Variants in PDE11A observed in about 807,000 individuals in gnomAD.
PDE11A encodes dual 3',5'-cyclic-AMP and -GMP phosphodiesterase 11A.
PDE11A carries 100 observed loss-of-function variants against 100.5 expected under a neutral mutation model. The observed-to-expected ratio is 1.00, with a 90% CI of 0.85 to 1.18. The LOEUF (loss-of-function observed/expected upper bound fraction) is 1.18. Ranked by LOEUF, PDE11A falls within the 50% of genes most tolerant of loss-of-function variation. The pLI, the probability that PDE11A is intolerant of heterozygous loss-of-function variation, is 0.00. For synonymous variants in PDE11A, 381 were observed against 420.8 expected (o/e 0.91, Z 1.16); for missense variants, 1,141 against 1,152.6 (o/e 0.99, Z 0.15).
At chr2:177,961,686 AT>A (rs2085635427) in intron 2 of PDE11A, among the ~76,000 whole-genome samples, 1 of 152,032 alleles carries the variant, frequency 6.6e-6, no homozygotes, top group Non-Finnish European at 1.5e-5. Flanking sequence ...CTTACATTTA[AT>A]TTTATAGGAA....
chr2:178,060,374 C>T (rs890404379), intron 1 of PDE11A, among the ~76,000 whole-genome samples: 3 of 152,196 alleles, frequency 2.0e-5, no homozygotes, highest in African/African-American at 7.2e-5. Flanking sequence ...CATAAGCCCA[C>T]ACTCAGAGAT....
In PDE11A at chr2:177,769,380, CAGA is replaced by C; in HGVS notation, c.1738-10_1738-8del. Reference sequence around the variant, plus strand: ...TTGCATGGTATGATAGCACCTGATTCAGAAGAAAAAAAAATAATTTTAATAACT... The same window carrying C: ...TTGCATGGTATGATAGCACCTGATTCAGAAAAAAAAATAATTTTAATAACT... On this transcript the variant is annotated splice_polypyrimidine_tract_variant and splice_region_variant and intron_variant, in intron 9 of 19. Coordinates refer to ENST00000286063, the MANE Select transcript of PDE11A (RefSeq NM_016953.4). 6.5e-7 allele frequency: 1 copy of C among 1,541,798 alleles called. No homozygotes were observed. The highest frequency in any genetic ancestry group is 9.0e-7 in the Non-Finnish European group (1 of 1,115,440).
chr2:177,705,323 T>C (rs997730545), intron 13 of PDE11A, among the ~76,000 whole-genome samples: 2 of 152,218 alleles, frequency 1.3e-5, no homozygotes, highest in Non-Finnish European at 2.9e-5. Context: ...ATCCATCATA[T>C]AAGTGTCTTT....
At chr2:177,844,208 T>C (rs2083541386) in intron 5 of PDE11A, among the ~76,000 whole-genome samples, 1 of 152,180 alleles carries the variant, frequency 6.6e-6, no homozygotes, top group African/African-American at 2.4e-5. Context: ...GTTTTGAGAC[T>C]AGGAAGACCA....
chr2:177,926,928 T>G lies in PDE11A; in HGVS notation c.1072-21741A>C, dbSNP rs1456452173. 7 of 152,332 alleles carry G rather than the reference T, an allele frequency of 4.6e-5. No homozygotes were observed. The East Asian group carries it at 1.4e-3, about 29-fold the overall frequency. The allele number at this position is 152,332 out of a possible 1,614,324, so 9.4% of individuals were successfully genotyped here. A position where few individuals can be genotyped will look rare whatever the true frequency, so the allele number is the denominator to read the frequency against. Reference sequence around the variant, plus strand: ...CATGAGAAAAATCTCTTCACTGGTCTTTCTGCCTCCAGTGTCTCCCTGCTG... The same window carrying G: ...CATGAGAAAAATCTCTTCACTGGTCGTTCTGCCTCCAGTGTCTCCCTGCTG... On this transcript the variant is annotated intron_variant, in intron 2 of 19. Coordinates refer to ENST00000286063, the MANE Select transcript of PDE11A (RefSeq NM_016953.4).
rs1559117282 is a variant in PDE11A at position 177,631,534 on chromosome 2, TATATATATATATAC to T, written c.2647-1986_2647-1973del. On this transcript the variant is annotated intron_variant, in intron 19 of 19. Transcript: ENST00000286063. ...AAAAATATATATATATATATATATA[TATATATATATATAC>T]ACATGTATATATATATATATACATG... 4.2e-3 allele frequency among the ~76,000 whole-genome samples: 96 copies of T among 22,634 alleles called. 1 individual carries two copies. The highest frequency in any genetic ancestry group is 0.012 in the African/African-American group (89 of 7,142). The allele number at this position is 22,634 out of a possible 152,430, so 14.8% of individuals were successfully genotyped here.
chr2:177,959,446 T>G (rs912215625), intron 2 of PDE11A, among the ~76,000 whole-genome samples: 3 of 152,148 alleles, frequency 2.0e-5, no homozygotes, highest in Admixed American at 1.3e-4. Flanking sequence ...TACATAGTCA[T>G]GGAGCACTAG....
At chr2:177,926,789 T>G (rs1289731859) in intron 2 of PDE11A, 2 of 152,190 alleles carry the variant, frequency 1.3e-5, no homozygotes, top group African/African-American at 4.8e-5. Context: ...TATTCAGATA[T>G]TTTGGGGCCT....
intron 5 of PDE11A, among the ~76,000 whole-genome samples, chr2:177,852,413 A>T (rs76384157): frequency 0.011 from 1,725 of 152,182 alleles, 27 homozygotes; most frequent in East Asian, 0.075. Context: ...ATATGATAGT[A>T]TTTGACATTT....
intron 10 of PDE11A, among the ~76,000 whole-genome samples, chr2:177,734,315 T>C (rs570303137): frequency 6.6e-6 from 1 of 152,080 alleles, no homozygotes; most frequent in Non-Finnish European, 1.5e-5. Flanking sequence ...AAAAAATAAC[T>C]TGTCTTCTCG....
At chr2:177,784,558 G>A (rs1015002243) in intron 9 of PDE11A, among the ~76,000 whole-genome samples, 1 of 152,182 alleles carries the variant, frequency 6.6e-6, no homozygotes, top group Non-Finnish European at 1.5e-5. Context: ...GCTGCTATCT[G>A]CCTATGGGGT....
intron 9 of PDE11A, among the ~76,000 whole-genome samples, chr2:177,787,563 T>C (rs2082556305): frequency 6.6e-6 from 1 of 151,734 alleles, no homozygotes; most frequent in South Asian, 2.1e-4. Context: ...GTAAATGGAC[T>C]AAATGCTCCA....
intron 6 of PDE11A, among the ~76,000 whole-genome samples, chr2:177,826,884 G>A (rs975675539): frequency 3.9e-5 from 6 of 152,216 alleles, no homozygotes; most frequent in African/African-American, 1.4e-4. Flanking sequence ...AACAGAAACT[G>A]AGAGAAGATT....
intron 2 of PDE11A, among the ~76,000 whole-genome samples, chr2:177,972,568 C>G (rs921885790): frequency 4.6e-5 from 7 of 151,434 alleles, no homozygotes; most frequent in African/African-American, 1.7e-4. Flanking sequence ...GGCTGAATTG[C>G]AAAAAGGATG....
At chr2:177,737,450 A>ACACACACACACAC (rs2081806125) in intron 10 of PDE11A, among the ~76,000 whole-genome samples, 1 of 48,528 alleles carries the variant, frequency 2.1e-5, no homozygotes, top group Non-Finnish European at 6.4e-5. Flanking sequence ...CACACACACA[A>ACACACACACACAC]ATTAGCCAGG....
At chr2:177,934,170 C>T (rs1279739217) in intron 2 of PDE11A, among the ~76,000 whole-genome samples, 1 of 152,040 alleles carries the variant, frequency 6.6e-6, no homozygotes, top group African/African-American at 2.4e-5. Flanking sequence ...TTCTGCACAA[C>T]AAAAGAAACC....
At chr2:177,904,486 T>C (rs1483447743) in intron 3 of PDE11A, among the ~76,000 whole-genome samples, 2 of 152,168 alleles carry the variant, frequency 1.3e-5, no homozygotes, top group African/African-American at 4.8e-5. Context: ...CAAATTGTGT[T>C]ATTGCTTCAA....
chr2:178,072,140 G>T lies in PDE11A; in HGVS notation c.298C>A (p.Pro100Thr). 1 of 1,613,900 alleles carries T rather than the reference G, an allele frequency of 6.2e-7. No individual in the cohort carries two copies. ...GGDCGGVPLSPSWAGGSRGDG... is the reference protein window; with the variant it reads ...GGDCGGVPLSTSWAGGSRGDG... ...CCCCTGCTGCCACCGGCCCAGCTGG[G>T]ACTCAAGGGAACCCCACCACAGTCC... Residue 100 changes from proline (P) to threonine (T), a missense_variant, in exon 1 of 20, where the codon CCC (proline) becomes ACC (threonine). Coordinates refer to ENST00000286063, the MANE Select transcript of PDE11A (RefSeq NM_016953.4).
intron 10 of PDE11A, among the ~76,000 whole-genome samples, chr2:177,769,078 T>C (rs2082276135): frequency 6.6e-6 from 1 of 152,170 alleles, no homozygotes; most frequent in East Asian, 1.9e-4. Context: ...TTTTCCCTGA[T>C]ATCGTGCTTT....
Sources: gnomAD v4.1 joint callset for allele counts (sites outside exome capture counted in the v4.1 genomes callset) on GRCh38, gnomAD v4.1.1 for gene constraint, MANE v1.5 for transcripts, NCBI Gene and HGNC (gene_info 2026-07-23, HGNC 2026-07-21) for gene names.